RUNX1T1: variants seen among roughly 807,000 people sequenced by gnomAD.
The protein encoded by RUNX1T1 is protein CBFA2T1.
Under a neutral mutation model 62.8 loss-of-function variants are expected in RUNX1T1, and 4 were observed. The ratio of observed to expected loss-of-function variants is 0.06; its 90% confidence interval spans 0.03 to 0.15. The LOEUF is 0.15. Ranked by LOEUF, RUNX1T1 falls within the 10% of genes least tolerant of loss-of-function variation. RUNX1T1 has a pLI of 1.00. For missense variants in RUNX1T1, 508 were observed against 754.3 expected (o/e 0.67, Z 3.82); for synonymous variants, 291 against 286.0 (o/e 1.02, Z -0.18).
At chr8:91,958,911 C>T (rs1037727031), downstream of RUNX1T1, 3 of 191,726 alleles carry the variant, frequency 1.6e-5, no homozygotes, top group Non-Finnish European at 2.1e-5. Context: ...GATAGCTTTT[C>T]TTCTTTTCTT....
chr8:91,982,695 G>T (rs1366672435), intron 8 of RUNX1T1, among the ~76,000 whole-genome samples: 1 of 152,052 alleles, frequency 6.6e-6, no homozygotes, highest in Non-Finnish European at 1.5e-5. Flanking sequence ...TTAAGAGTTG[G>T]ATACTTGGAG....
intron 9 of RUNX1T1, among the ~76,000 whole-genome samples, chr8:91,975,650 T>C (rs569107997): frequency 6.6e-6 from 1 of 152,280 alleles, no homozygotes; most frequent in South Asian, 2.1e-4. Flanking sequence ...AGTTTTATAA[T>C]GGAAATATTG....
At chr8:91,958,836 G>A (rs184790110), downstream of RUNX1T1, 549 of 189,880 alleles carry the variant, frequency 2.9e-3, 2 homozygotes, top group Non-Finnish European at 3.4e-3. Flanking sequence ...TTAGCATTCC[G>A]TGAAGCATGC....
chr8:91,975,829 C>A, intron 9 of RUNX1T1, 76 bp downstream of exon 10: 2 of 941,904 alleles, frequency 2.1e-6, no homozygotes, highest in South Asian at 2.8e-5. Context: ...CCTTTCTTGT[C>A]ATTCCTCACA....
chr8:92,081,536 GTTT>G (rs200036855), intron 1 of RUNX1T1, among the ~76,000 whole-genome samples: 1 of 134,700 alleles, frequency 7.4e-6, no homozygotes, highest in Non-Finnish European at 1.6e-5. Context: ...ATGTTTGGTA[GTTT>G]TTTTTTTTTT....
intron 1 of RUNX1T1, among the ~76,000 whole-genome samples, chr8:92,029,139 A>G (rs911880992): frequency 6.6e-6 from 1 of 152,192 alleles, no homozygotes. Flanking sequence ...AGACAAGCAA[A>G]CAGCAGGAGT....
intron 8 of RUNX1T1, among the ~76,000 whole-genome samples, chr8:91,983,080 A>G (rs1344802824): frequency 6.6e-5 from 10 of 150,872 alleles, no homozygotes; most frequent in Admixed American, 6.6e-4. Flanking sequence ...GGCATGCGCC[A>G]CCATGCCTGG....
At chr8:92,026,855 C>G (rs921249489) in intron 1 of RUNX1T1, among the ~76,000 whole-genome samples, 1 of 143,898 alleles carries the variant, frequency 6.9e-6, no homozygotes, top group African/African-American at 2.6e-5. Flanking sequence ...CGGTGGCTCA[C>G]GCCTGTAATC....
chr8:92,077,726 C>T (rs1834637636), intron 1 of RUNX1T1, among the ~76,000 whole-genome samples: 1 of 152,018 alleles, frequency 6.6e-6, no homozygotes, highest in Admixed American at 6.5e-5. Context: ...CCTATATGAG[C>T]CATAGTTAAT....
At chr8:91,961,748 T>C (rs755172534) in intron 10 of RUNX1T1, among the ~76,000 whole-genome samples, 6 of 152,246 alleles carry the variant, frequency 3.9e-5, no homozygotes, top group Middle Eastern at 3.2e-3. Flanking sequence ...GATCCCATTA[T>C]GCAAAACTGT....
chr8:91,958,291 G>A, downstream of RUNX1T1: 1 of 199,558 alleles, frequency 5.0e-6, no homozygotes, highest in Non-Finnish European at 1.0e-5. Flanking sequence ...GTTCTGGTCT[G>A]GACCCTGGAC....
At chr8:92,012,925 T>TA (rs1822256602) in intron 3 of RUNX1T1, among the ~76,000 whole-genome samples, 2 of 152,194 alleles carry the variant, frequency 1.3e-5, no homozygotes, top group Admixed American at 6.5e-5. Context: ...TTTTAGATTT[T>TA]AAAAAATATA....
At chr8:91,966,113 T>C (rs1379051959) in intron 10 of RUNX1T1, among the ~76,000 whole-genome samples, 3 of 148,130 alleles carry the variant, frequency 2.0e-5, no homozygotes, top group Non-Finnish European at 4.5e-5. Flanking sequence ...CATATATATA[T>C]ATATTTATAA....
At chr8:91,981,404 C>CTTTTTTTTTTT (rs67366711) in intron 8 of RUNX1T1, among the ~76,000 whole-genome samples, 3 of 63,882 alleles carry the variant, frequency 4.7e-5, no homozygotes, top group African/African-American at 6.2e-5. Flanking sequence ...AGTTACTAAG[C>CTTTTTTTTTTT]TTTTTTTTTT....
At chr8:92,066,700 A>G (rs1832925499), upstream of RUNX1T1, among the ~76,000 whole-genome samples, 3 of 152,250 alleles carry the variant, frequency 2.0e-5, no homozygotes, top group Non-Finnish European at 4.4e-5. Context: ...TAAAAGCCAT[A>G]ATAGATTGTC....
chr8:92,003,050 T>C (rs1820064699), intron 5 of RUNX1T1, among the ~76,000 whole-genome samples: 1 of 152,184 alleles, frequency 6.6e-6, no homozygotes, highest in African/African-American at 2.4e-5. Flanking sequence ...AGATATAATG[T>C]ATATTTCAGT....
At chr8:92,073,288 G>A (rs1833948034) in intron 2 of RUNX1T1, among the ~76,000 whole-genome samples, 1 of 152,076 alleles carries the variant, frequency 6.6e-6, no homozygotes, top group Non-Finnish European at 1.5e-5. Flanking sequence ...TAAAACACCA[G>A]GTGGGAAACA....
chr8:92,029,531 G>A (rs1199635850), intron 1 of RUNX1T1, among the ~76,000 whole-genome samples: 1 of 152,146 alleles, frequency 6.6e-6, no homozygotes, highest in East Asian at 1.9e-4. Context: ...CCAAAACCCA[G>A]CTGGAAGAAG....
At position 92,008,367 on chromosome 8, in the gene RUNX1T1, A is replaced by ATCTC. The variant is rs149208341; in HGVS notation, c.477+2631_477+2634dup. On this transcript the variant is annotated intron_variant, in intron 4 of 10. Coordinates refer to ENST00000396218, the Ensembl canonical transcript of RUNX1T1. ...AAAAAGAATTATTTGGGTGCCACAT[A>ATCTC]TCTCTCTCTCTCTCTCTCTCTCACA... Among the ~76,000 whole-genome samples, 178 of 132,674 alleles carry ATCTC rather than the reference A, an allele frequency of 1.3e-3. 3 individuals are homozygous for ATCTC. The highest frequency in any genetic ancestry group is 3.8e-3 in the African/African-American group (132 of 35,084). 87.0% of individuals were successfully genotyped at this position (132,674 alleles called of 152,430 possible). A position where few individuals can be genotyped will look rare whatever the true frequency, so the allele number is the denominator to read the frequency against.
Sources: gnomAD v4.1 joint callset for allele counts (sites outside exome capture counted in the v4.1 genomes callset) on GRCh38, gnomAD v4.1.1 for gene constraint, MANE v1.5 for transcripts, NCBI Gene and HGNC (gene_info 2026-07-23, HGNC 2026-07-21) for gene names.